The following TNRC6C variants were observed in gnomAD, a reference collection of about 807,000 sequenced individuals.
TNRC6C encodes the protein trinucleotide repeat containing adaptor 6C.
In TNRC6C, 20 loss-of-function variants were observed where a neutral mutation model predicts 153.7. The observed-to-expected ratio is 0.13, with a 90% confidence interval of 0.09 to 0.19. The LOEUF (loss-of-function observed/expected upper bound fraction) is 0.19, where lower values mean the gene tolerates loss of function less well. Ranked by LOEUF, TNRC6C falls within the 10% of genes least tolerant of loss-of-function variation. The pLI is 1.00. For synonymous variants in TNRC6C, 811 were observed against 841.4 expected (o/e 0.96, Z 0.63); for missense variants, 1,987 against 2,172.0 (o/e 0.91, Z 1.69).
In TNRC6C at chr17:77,986,405, C is replaced by T. The variant is rs559693487; in HGVS notation, c.-37-17765C>T. On this transcript the variant is annotated intron_variant, in intron 1 of 22. Coordinates refer to the TNRC6C transcript ENST00000636222. ...TCCAGCCTGGACAACAAGAGTGAAA[C>T]TCCATCTCAAAAAAAAAAAAAAAGA... Among the ~76,000 whole-genome samples the T allele has an allele frequency of 3.5e-5, 4 of 113,102 alleles. No individual in the cohort carries two copies. The East Asian group carries it at 9.8e-4, about 28-fold the overall frequency. The allele number at this position is 113,102 out of a possible 152,430, so 74.2% of individuals were successfully genotyped here.
intron 1 of TNRC6C, among the ~76,000 whole-genome samples, chr17:77,965,622 T>C (rs2070890824): frequency 6.6e-6 from 1 of 152,200 alleles, no homozygotes; most frequent in Non-Finnish European, 1.5e-5. Context: ...GACATCAACT[T>C]CTTCCTGCCC....
chr17:78,050,497 T>C, exon 3 of TNRC6C: 1 of 1,614,020 alleles, frequency 6.2e-7, no homozygotes, highest in Non-Finnish European at 8.5e-7. Context: ...GACAGAGGCC[T>C]GGGGTTGTGC....
chr17:78,062,589 C>G (rs2072790107), intron 3 of TNRC6C, among the ~76,000 whole-genome samples: 1 of 152,190 alleles, frequency 6.6e-6, no homozygotes, highest in Non-Finnish European at 1.5e-5. Context: ...ACAACTGATA[C>G]AAGCTGTCAA....
intron 1 of TNRC6C, among the ~76,000 whole-genome samples, chr17:77,991,281 A>C (rs905293908): frequency 2.6e-5 from 4 of 152,142 alleles, no homozygotes; most frequent in African/African-American, 9.7e-5. Flanking sequence ...CACAAACCCA[A>C]ATTTGTATGT....
chr17:78,017,878 A>G (rs2071758437), intron 1 of TNRC6C, among the ~76,000 whole-genome samples: 1 of 152,184 alleles, frequency 6.6e-6, no homozygotes, highest in Non-Finnish European at 1.5e-5. Context: ...ACACACAGAC[A>G]TACTCTACCT....
At chr17:77,981,620 T>G (rs767678892) in intron 1 of TNRC6C, among the ~76,000 whole-genome samples, 6 of 152,248 alleles carry the variant, frequency 3.9e-5, no homozygotes, top group Non-Finnish European at 7.3e-5. Context: ...GAGTCAGAGA[T>G]AGTAATATCT....
chr17:78,079,331 T>A lies in TNRC6C; in HGVS notation c.3211-64T>A. The A allele has an allele frequency of 6.3e-7, 1 of 1,588,606 alleles. No homozygotes were observed. Among genetic ancestry groups the A allele is most frequent in the Non-Finnish European group, 8.6e-7 (1 of 1,160,912 alleles). On this transcript the variant is annotated intron_variant, in intron 9 of 19. Transcript: ENST00000301624. This position sits in a 1 kb window ranked among gnomAD's most constrained non-coding sequence, Gnocchi z 4.3. The stretch of plus-strand genomic sequence containing the variant: ...TCACTTGAAATAGATCATTTCACCC[T>A]ACCTCCAAACAATGTTACTCTAATG...
intron 2 of TNRC6C, among the ~76,000 whole-genome samples, chr17:78,036,690 G>A (rs940728454): frequency 6.6e-6 from 1 of 152,080 alleles, no homozygotes; most frequent in East Asian, 1.9e-4. Context: ...TTGAGAGGCC[G>A]AGGCAGGTGG....
At chr17:78,020,798 G>A (rs772180997) in intron 1 of TNRC6C, among the ~76,000 whole-genome samples, 7 of 152,174 alleles carry the variant, frequency 4.6e-5, no homozygotes, top group Non-Finnish European at 1.0e-4. Flanking sequence ...TCCAGTATAT[G>A]TTTTAATACT....
chr17:78,103,766 G>A lies in TNRC6C; in HGVS notation c.4712+213G>A, dbSNP rs371696613. On this transcript the variant is annotated intron_variant, in intron 19 of 19. Coordinates refer to ENST00000301624, the Ensembl canonical transcript of TNRC6C. Reference sequence around the variant, plus strand: ...AGGCCTCTCTCCTTGGCTGTAGACAGCTGCCTTCTCCCTCTGTTCTTATAT... The same window carrying A: ...AGGCCTCTCTCCTTGGCTGTAGACAACTGCCTTCTCCCTCTGTTCTTATAT... Among the ~76,000 whole-genome samples, 13 of 152,326 alleles carry A rather than the reference G, an allele frequency of 8.5e-5. No homozygotes were observed. In the East Asian group the frequency reaches 2.1e-3, roughly 25 times the overall value.
chr17:78,008,325 A>G (rs946219923), intron 1 of TNRC6C: 2 of 152,192 alleles, frequency 1.3e-5, no homozygotes, highest in East Asian at 1.9e-4. Context: ...GTTCCTGGCT[A>G]TCTTTTCAAA....
At chr17:78,036,921 TAAA>T (rs879837370) in intron 2 of TNRC6C, among the ~76,000 whole-genome samples, 1 of 140,446 alleles carries the variant, frequency 7.1e-6, no homozygotes. Flanking sequence ...AAGATTCCAT[TAAA>T]AAAAAAAAAG....
In TNRC6C at chr17:78,093,772, G is replaced by A; in HGVS notation, c.4306+9G>A. The A allele has an allele frequency of 6.2e-7, 1 of 1,613,528 alleles. No individual in the cohort carries two copies. The highest frequency in any genetic ancestry group is 8.5e-7 in the Non-Finnish European group (1 of 1,179,766). ...CCTCCTCAAGAGTGGAGGTGAGGGT[G>A]CTGCTCTTCCTGCCTCTGCATGGAC... On this transcript the variant is annotated intron_variant, in intron 16 of 19. Coordinates refer to ENST00000301624, the Ensembl canonical transcript of TNRC6C.
At chr17:78,046,746 G>A (rs1158834794) in intron 2 of TNRC6C, among the ~76,000 whole-genome samples, 1 of 152,122 alleles carries the variant, frequency 6.6e-6, no homozygotes, top group Non-Finnish European at 1.5e-5. Context: ...TACTTTATCT[G>A]GCATGTATAC....
intron 2 of TNRC6C, among the ~76,000 whole-genome samples, chr17:78,038,519 A>T (rs889885565): frequency 2.6e-5 from 4 of 151,858 alleles, no homozygotes; most frequent in Non-Finnish European, 4.4e-5. Context: ...TAAAAAAAAA[A>T]ATACAAAAAA....
intron 1 of TNRC6C, among the ~76,000 whole-genome samples, chr17:77,992,541 C>T (rs1049719887): frequency 6.6e-6 from 1 of 151,362 alleles, no homozygotes; most frequent in Admixed American, 6.6e-5. Context: ...CCACTGGGAA[C>T]GTTCACACTT....
chr17:78,088,039 C>G (rs1598779043), intron 13 of TNRC6C, among the ~76,000 whole-genome samples: 1 of 152,230 alleles, frequency 6.6e-6, no homozygotes, highest in African/African-American at 2.4e-5. Context: ...TTGGAAAATA[C>G]ATCTGTAAAG....
intron 10 of TNRC6C, among the ~76,000 whole-genome samples, chr17:78,082,358 A>G (rs146609393): frequency 0.035 from 5,344 of 152,210 alleles, 129 homozygotes; most frequent in Non-Finnish European, 0.053. Flanking sequence ...TAACATCGGT[A>G]TGCAGAAGTA....
At chr17:78,100,237 G>A (rs1598796151) in intron 17 of TNRC6C, among the ~76,000 whole-genome samples, 2 of 152,222 alleles carry the variant, frequency 1.3e-5, no homozygotes, top group Non-Finnish European at 2.9e-5. Flanking sequence ...ACTAGGTGGT[G>A]CCCCAGTAGG....
Sources: gnomAD v4.1 joint callset for allele counts (sites outside exome capture counted in the v4.1 genomes callset) on GRCh38, gnomAD v4.1.1 for gene constraint, Gnocchi (gnomAD v3.1) non-coding constraint, MANE v1.5 for transcripts, NCBI Gene and HGNC (gene_info 2026-07-23, HGNC 2026-07-21) for gene names.